MCC: variants seen among roughly 807,000 people sequenced by gnomAD.
The protein encoded by MCC is colorectal mutant cancer protein.
Under a neutral mutation model 116.2 loss-of-function variants are expected in MCC, and 90 were observed. The ratio of observed to expected loss-of-function variants is 0.77; its 90% CI spans 0.65 to 0.92. The LOEUF (loss-of-function observed/expected upper bound fraction) is 0.92, where lower values mean the gene tolerates loss of function less well. MCC is among the 40% of genes least tolerant of loss of function. MCC has a pLI of 0.00. For synonymous variants in MCC, 578 were observed against 510.5 expected (o/e 1.13, Z -1.78); for missense variants, 1,516 against 1,312.2 (o/e 1.16, Z -2.40).
Position 113,104,354 on chromosome 5 carries a change from G to C in MCC, c.1029C>G (p.Asp343Glu). The C allele has an allele frequency of 6.2e-7, 1 of 1,604,034 alleles. No homozygotes were observed. The highest frequency in any genetic ancestry group is 8.5e-7 in the Non-Finnish European group (1 of 1,174,054). The change falls in exon 7 of 19, where the codon GAC becomes GAG. Residue 343 changes from aspartate to glutamate, a missense_variant and splice_region_variant. Transcript: ENST00000408903. The stretch of plus-strand genomic sequence containing the variant: ...GTTCTGAGTTCAGGTCACTGCAGTT[G>C]TCTGTGAGTGAATGAAGACAAAATG... The part of the protein sequence containing the change: ...NQSTMVTADM[D>E]NCSDLNSELQ...
In MCC at chr5:113,242,515, G is replaced by T. The variant is rs140963710; in HGVS notation, c.628-91093C>A. On this transcript the variant is annotated intron_variant, in intron 3 of 18. Coordinates refer to ENST00000408903, the MANE Select transcript of MCC (RefSeq NM_001085377.2). ...AAACAACTACGCAAAACAGAGATATGAATTAGTAAGAGTTAATTATTAGTT... is the reference window on the plus strand; with the variant it reads ...AAACAACTACGCAAAACAGAGATATTAATTAGTAAGAGTTAATTATTAGTT... Among the ~76,000 whole-genome samples, 19 of 151,828 alleles carry T rather than the reference G, an allele frequency of 1.3e-4. No individual in the cohort carries two copies. The East Asian group carries it at 3.5e-3, about 28-fold the overall frequency.
At position 113,434,653 on chromosome 5, in the gene MCC, T is replaced by A. The variant is rs1286026401; in HGVS notation, c.171-49441A>T. Reference sequence around the variant, plus strand: ...GAGCAGTGGTTTAACATGGCCAGAATCTCAATTTCCCGGGGAAGGAATTTC... The same window carrying A: ...GAGCAGTGGTTTAACATGGCCAGAAACTCAATTTCCCGGGGAAGGAATTTC... On this transcript the variant is annotated intron_variant, in intron 1 of 18. Transcript: ENST00000408903. The surrounding 1 kb of genome is among the most constrained non-coding windows in gnomAD (Gnocchi z 4.2). 1 of 1,613,884 alleles carries A rather than the reference T, an allele frequency of 6.2e-7. No individual in the cohort carries two copies. The highest frequency in any genetic ancestry group is 1.3e-5 in the African/African-American group (1 of 74,988).
chr5:113,345,645 C>A (rs1056939646), intron 2 of MCC, among the ~76,000 whole-genome samples: 5 of 152,238 alleles, frequency 3.3e-5, no homozygotes, highest in South Asian at 2.1e-4. Flanking sequence ...AGAATTCTTC[C>A]AGATCTTATC....
intron 3 of MCC, among the ~76,000 whole-genome samples, chr5:113,245,487 T>C (rs1450659935): frequency 6.6e-6 from 1 of 151,752 alleles, no homozygotes; most frequent in Non-Finnish European, 1.5e-5. Flanking sequence ...GTAAGCAAAG[T>C]AGAATTTAGT....
At position 113,488,314 on chromosome 5, in the gene MCC, G is replaced by C. The variant is rs1428899875; in HGVS notation, c.101C>G (p.Thr34Ser). 6.4e-7 allele frequency: 1 copy of C among 1,572,526 alleles called. No individual in the cohort carries two copies. Among genetic ancestry groups the C allele is most frequent in the East Asian group, 2.6e-5 (1 of 38,464 alleles). ...GCGCCGCATCCTCTCCTCCTCGCCG[G>C]TGCTGGACGTGTCGCTGCTGCTGCT... ...SSSSSSDTSS[T>S]GEEERMRRLF... The change falls in exon 1 of 19, where the codon ACC (threonine) becomes AGC (serine). Residue 34 changes from threonine to serine, a missense_variant. Transcript: ENST00000408903.
intron 3 of MCC, chr5:113,204,534 C>G (rs993883503): frequency 2.0e-5 from 3 of 152,214 alleles, no homozygotes; most frequent in Admixed American, 6.5e-5. Context: ...TTCATCAAGT[C>G]TCTGTTCTCT....
chr5:113,337,235 T>A (rs1046839163), intron 3 of MCC, among the ~76,000 whole-genome samples: 3 of 152,146 alleles, frequency 2.0e-5, no homozygotes, highest in African/African-American at 7.2e-5. Context: ...TTTCAGTGGG[T>A]TTGCCACCAC....
At chr5:113,142,354 C>G (rs1265921408) in intron 5 of MCC, among the ~76,000 whole-genome samples, 1 of 151,830 alleles carries the variant, frequency 6.6e-6, no homozygotes, top group Non-Finnish European at 1.5e-5. Flanking sequence ...CCCGGAGCAT[C>G]GCCAGGAACA....
rs542740504 is a variant in MCC, at chr5:113,345,032, C to T, written c.416-4302G>A. ...CTGCCCCGGGCCAGAAGGGAGCCCA[C>T]TGCCCTGAAAGTGAGTCCCAGGCCT... On this transcript the variant is annotated intron_variant, in intron 2 of 18. Coordinates refer to ENST00000408903, the MANE Select transcript of MCC (RefSeq NM_001085377.2). Among the ~76,000 whole-genome samples the T allele has an allele frequency of 3.3e-5, 5 of 152,182 alleles. No homozygotes were observed. The East Asian group carries it at 9.7e-4, about 29-fold the overall frequency.
At chr5:113,079,163 A>G (rs1395283056) in intron 11 of MCC, among the ~76,000 whole-genome samples, 1 of 152,142 alleles carries the variant, frequency 6.6e-6, no homozygotes, top group Non-Finnish European at 1.5e-5. Context: ...TAGAAGAAAC[A>G]AACAAATGGA....
At chr5:113,353,078 C>T (rs1259785329) in intron 2 of MCC, among the ~76,000 whole-genome samples, 1 of 152,134 alleles carries the variant, frequency 6.6e-6, no homozygotes, top group Non-Finnish European at 1.5e-5. Context: ...TGTCTCCTGG[C>T]TCACGAGGTT....
intron 3 of MCC, among the ~76,000 whole-genome samples, chr5:113,271,489 A>G (rs902975193): frequency 2.0e-5 from 3 of 152,238 alleles, no homozygotes; most frequent in Admixed American, 2.0e-4. Context: ...GTGAAATTTC[A>G]AAGAAAACCT....
chr5:113,051,245 C>A (rs1752467953), intron 15 of MCC, among the ~76,000 whole-genome samples: 1 of 152,042 alleles, frequency 6.6e-6, no homozygotes, highest in South Asian at 2.1e-4. Context: ...TGCTTGCATT[C>A]TCTCCCCCTA....
chr5:113,384,227 G>A (rs1296440272), intron 2 of MCC, among the ~76,000 whole-genome samples: 1 of 152,056 alleles, frequency 6.6e-6, no homozygotes, highest in Non-Finnish European at 1.5e-5. Flanking sequence ...TCTTGCACCA[G>A]TAAGAAATAT....
intron 3 of MCC, among the ~76,000 whole-genome samples, chr5:113,273,066 G>A (rs541981339): frequency 2.0e-5 from 3 of 152,168 alleles, no homozygotes; most frequent in Admixed American, 2.0e-4. Flanking sequence ...AATGAACTAA[G>A]GAGAGAGAAC....
rs755545880 is a variant in MCC at position 113,385,130 on chromosome 5, T to G, written c.253A>C (p.Asn85His). Residue 85 changes from asparagine to histidine, a missense_variant, in exon 2 of 19, where the codon AAT becomes CAT. Asn to His is a moderately conservative substitution (Grantham distance 68, BLOSUM62 1). Transcript: ENST00000408903. ...AAATCCTGAAAGGAAATCTTCCCATTTTCATCTGCTCCCAACTGGTTCATG... is the reference window on the plus strand; with the variant it reads ...AAATCCTGAAAGGAAATCTTCCCATGTTCATCTGCTCCCAACTGGTTCATG... ...EIMNQLGADE[N>H]GKISFQDFTR... 6.2e-7 allele frequency: 1 copy of G among 1,614,054 alleles called. No homozygotes were observed. The highest frequency in any genetic ancestry group is 1.3e-5 in the African/African-American group (1 of 74,902).
At chr5:113,049,655 G>A (rs1392713452) in intron 15 of MCC, among the ~76,000 whole-genome samples, 1 of 152,240 alleles carries the variant, frequency 6.6e-6, no homozygotes, top group African/African-American at 2.4e-5. Flanking sequence ...CTGGTCTGCA[G>A]AGGCTGAGCT....
chr5:113,091,430 G>A (rs1467129429), intron 8 of MCC, among the ~76,000 whole-genome samples: 1 of 152,192 alleles, frequency 6.6e-6, no homozygotes, highest in Non-Finnish European at 1.5e-5. Flanking sequence ...AGAGCCAGCA[G>A]TCTGAATCAG....
At chr5:113,389,773 G>A (rs958419935) in intron 1 of MCC, among the ~76,000 whole-genome samples, 1 of 152,106 alleles carries the variant, frequency 6.6e-6, no homozygotes, top group African/African-American at 2.4e-5. Flanking sequence ...TTGTTTTGAT[G>A]GAATGATACT....
Sources: gnomAD v4.1 joint callset for allele counts (sites outside exome capture counted in the v4.1 genomes callset) on GRCh38, gnomAD v4.1.1 for gene constraint, Gnocchi (gnomAD v3.1) non-coding constraint, MANE v1.5 for transcripts, NCBI Gene and HGNC (gene_info 2026-07-23, HGNC 2026-07-21) for gene names.